Variants in AKAP13 observed in about 807,000 individuals in gnomAD.
AKAP13 encodes A-kinase anchoring protein 13.
Under a neutral mutation model 264.5 loss-of-function variants are expected in AKAP13, and 80 were observed. The ratio of observed to expected loss-of-function variants is 0.30; its 90% CI spans 0.25 to 0.36. The LOEUF (loss-of-function observed/expected upper bound fraction) is 0.36. Ranked by LOEUF, AKAP13 falls within the 10% of genes least tolerant of loss-of-function variation. AKAP13 has a pLI of 1.00. For synonymous variants in AKAP13, 1,380 were observed against 1,250.2 expected (o/e 1.10, Z -2.19); for missense variants, 3,712 against 3,435.2 (o/e 1.08, Z -2.01).
intron 2 of AKAP13, among the ~76,000 whole-genome samples, chr15:85,506,357 C>T (rs1461624284): frequency 6.6e-6 from 1 of 152,078 alleles, no homozygotes; most frequent in African/African-American, 2.4e-5. Context: ...ATTTGGCCAA[C>T]ATTTATTGAG....
In AKAP13 at chr15:85,515,762, A is replaced by AC. The variant is rs1215020150; in HGVS notation, c.34-5666_34-5665insC. On this transcript the variant is annotated intron_variant, in intron 2 of 36. Transcript: ENST00000394518. ...ATTGAAGTTATGCATTTTTGTTAGG[A>AC]ACACTGTAAGTGATGCTGTGTCCTT... Among the ~76,000 whole-genome samples, 2 of 138,016 alleles carry AC rather than the reference A, an allele frequency of 1.4e-5. 1 individual carries two copies. Among genetic ancestry groups the AC allele is most frequent in the East Asian group, 4.1e-4 (2 of 4,938 alleles). The allele number at this position is 138,016 out of a possible 152,430, so 90.5% of individuals were successfully genotyped here. A position where few individuals can be genotyped will look rare whatever the true frequency, so the allele number is the denominator to read the frequency against.
intron 2 of AKAP13, among the ~76,000 whole-genome samples, chr15:85,521,055 AC>A (rs1457689042): frequency 4.0e-5 from 6 of 151,768 alleles, no homozygotes. Flanking sequence ...CATTTATTAT[AC>A]CCCCTCCATC....
intron 1 of AKAP13, among the ~76,000 whole-genome samples, chr15:85,473,915 T>C (rs2075057214): frequency 6.6e-6 from 1 of 152,220 alleles, no homozygotes; most frequent in South Asian, 2.1e-4. Flanking sequence ...TAAACAGGCA[T>C]ACCTGACTTG....
At chr15:85,638,602 CAA>C (rs1029552093) in intron 8 of AKAP13, among the ~76,000 whole-genome samples, 3 of 151,956 alleles carry the variant, frequency 2.0e-5, no homozygotes, top group African/African-American at 7.3e-5. Flanking sequence ...AAAATTCAAT[CAA>C]AGAGAATTAT....
chr15:85,496,787 C>T (rs1025848963), intron 2 of AKAP13, among the ~76,000 whole-genome samples: 12 of 152,188 alleles, frequency 7.9e-5, no homozygotes, highest in Non-Finnish European at 1.2e-4. Flanking sequence ...AGGTCTGCTC[C>T]AGCATCTGTG....
intron 1 of AKAP13, among the ~76,000 whole-genome samples, chr15:85,437,787 C>G (rs1186127418): frequency 1.3e-5 from 2 of 152,162 alleles, no homozygotes; most frequent in South Asian, 2.1e-4. Context: ...TAAAAACTCT[C>G]AATAAATTAG....
At chr15:85,443,958 T>A (rs1281173409) in intron 1 of AKAP13, among the ~76,000 whole-genome samples, 1 of 152,188 alleles carries the variant, frequency 6.6e-6, no homozygotes, top group Non-Finnish European at 1.5e-5. Flanking sequence ...CATAGTAACC[T>A]TTTTGAAAAC....
chr15:85,466,096 A>T (rs913864125), intron 1 of AKAP13, among the ~76,000 whole-genome samples: 2 of 152,132 alleles, frequency 1.3e-5, no homozygotes, highest in Non-Finnish European at 2.9e-5. Flanking sequence ...CATTTCTCTG[A>T]TGGCCAGTGA....
intron 17 of AKAP13, among the ~76,000 whole-genome samples, chr15:85,696,604 C>A (rs2085579200): frequency 6.6e-6 from 1 of 152,142 alleles, no homozygotes; most frequent in South Asian, 2.1e-4. Flanking sequence ...CGGGAAGAGG[C>A]TGTATTTCTT....
chr15:85,505,491 G>A (rs2076191268), intron 2 of AKAP13, among the ~76,000 whole-genome samples: 2 of 152,164 alleles, frequency 1.3e-5, no homozygotes, highest in Admixed American at 1.3e-4. Flanking sequence ...CAGGTTATAG[G>A]GATTTCATTG....
intron 8 of AKAP13, among the ~76,000 whole-genome samples, chr15:85,630,225 G>T (rs2081678477): frequency 3.3e-5 from 1 of 29,940 alleles, no homozygotes; most frequent in Non-Finnish European, 8.1e-5. Context: ...AACTAAGATG[G>T]AAAATTGTAA....
chr15:85,630,828 T>A (rs530221382), intron 8 of AKAP13, among the ~76,000 whole-genome samples: 1 of 152,344 alleles, frequency 6.6e-6, no homozygotes, highest in East Asian at 1.9e-4. Flanking sequence ...AATTGTTGAA[T>A]GGTACAGCCA....
At position 85,453,742 on chromosome 15, in the gene AKAP13, A is replaced by T. The variant is rs533880521; in HGVS notation, c.-11-31968A>T. On this transcript the variant is annotated intron_variant, in intron 1 of 36. Coordinates refer to ENST00000394518, the MANE Select transcript of AKAP13 (RefSeq NM_007200.5). ...CAGCTGAGTCACCCAAACAGCAAAG[A>T]TGGTAGCCACCCCTTCCTCCGGAAG... 4.2e-4 allele frequency among the ~76,000 whole-genome samples: 64 copies of T among 151,982 alleles called. No individual in the cohort carries two copies. The Middle Eastern group carries it at 0.014, about 32-fold the overall frequency.
chr15:85,445,668 G>A (rs1319688625), intron 1 of AKAP13, among the ~76,000 whole-genome samples: 1 of 151,776 alleles, frequency 6.6e-6, no homozygotes, highest in Non-Finnish European at 1.5e-5. Flanking sequence ...AGAGAAAGAT[G>A]CCAACTGTCT....
At chr15:85,492,364 A>G (rs989894751) in intron 2 of AKAP13, among the ~76,000 whole-genome samples, 3 of 152,254 alleles carry the variant, frequency 2.0e-5, no homozygotes, top group Non-Finnish European at 4.4e-5. Context: ...CCTGGGCTAC[A>G]GAGCGAGACC....
intron 4 of AKAP13, among the ~76,000 whole-genome samples, chr15:85,540,910 C>T (rs1305867808): frequency 6.6e-6 from 1 of 152,222 alleles, no homozygotes; most frequent in African/African-American, 2.4e-5. Context: ...GAATCTCAAA[C>T]ATGCTCATCG....
Position 85,718,031 on chromosome 15 carries a change from G to A in AKAP13, c.5873G>A (p.Gly1958Glu), listed in dbSNP as rs780253941. 1.2e-6 allele frequency: 2 copies of A among 1,614,104 alleles called. No homozygotes were observed. Among genetic ancestry groups the A allele is most frequent in the South Asian group, 1.1e-5 (1 of 91,076 alleles). Reference sequence around the variant, plus strand: ...GGAGTAGGTACAGACATGAATGAAGGACAACTACTGGGAGACTTTGAGATT... The same window carrying A: ...GGAGTAGGTACAGACATGAATGAAGAACAACTACTGGGAGACTTTGAGATT... ...DEGVGTDMNEGQLLGDFEIES... is the reference protein window; with the variant it reads ...DEGVGTDMNEEQLLGDFEIES... The change falls in exon 22 of 37, where the codon GGA becomes GAA. Residue 1958 changes from glycine to glutamate, a missense_variant. By Grantham distance (98) the Gly-to-Glu change is moderately conservative (BLOSUM62 -2). Around this residue, in one of 3 missense-constraint regions of AKAP13, gnomAD observed 2,759 missense variants for 2,411.7 expected, o/e 1.14. Coordinates refer to ENST00000394518, the MANE Select transcript of AKAP13 (RefSeq NM_007200.5). The surrounding 1 kb of genome is among the most constrained non-coding windows in gnomAD (Gnocchi z 4.9).
At chr15:85,543,695 A>G in intron 4 of AKAP13, 77 bp from the exon 5 acceptor site, 1 of 1,463,294 alleles carries the variant, frequency 6.8e-7, no homozygotes, top group Non-Finnish European at 9.2e-7. Context: ...TGGTGTTTAC[A>G]TAACTTGTCT....
intron 8 of AKAP13, among the ~76,000 whole-genome samples, chr15:85,616,973 C>T (rs1398012208): frequency 1.3e-5 from 2 of 152,204 alleles, no homozygotes; most frequent in Non-Finnish European, 2.9e-5. Context: ...GGAAATCTAG[C>T]TTTCCAGCCT....
Sources: allele counts gnomAD v4.1 joint callset (sites outside exome capture counted in the v4.1 genomes callset), GRCh38; gene constraint gnomAD v4.1.1; regional missense constraint gnomAD v4.1.1; non-coding constraint Gnocchi (gnomAD v3.1); transcripts MANE v1.5; gene names NCBI Gene and HGNC (gene_info 2026-07-23, HGNC 2026-07-21).